BIRC6: variants seen among roughly 807,000 people sequenced by gnomAD.
BIRC6 encodes baculoviral IAP repeat containing 6, also known as dual E2 ubiquitin-conjugating enzyme/E3 ubiquitin-protein ligase BIRC6.
A neutral mutation model predicts 503.3 loss-of-function variants in BIRC6; 98 were observed. The observed-to-expected ratio is 0.19, with a 90% CI of 0.17 to 0.23. The LOEUF is 0.23. Ranked by LOEUF, BIRC6 falls within the 10% of genes least tolerant of loss-of-function variation. BIRC6 has a pLI of 1.00. For synonymous variants in BIRC6, 2,240 were observed against 2,078.7 expected, an observed-to-expected ratio of 1.08 and a Z score of -2.11; for missense variants, 5,360 against 5,806.0, an observed-to-expected ratio of 0.92 and a Z score of 2.50.
At chr2:32,459,195 C>T (rs1481518017) in intron 23 of BIRC6, among the ~76,000 whole-genome samples, 1 of 152,156 alleles carries the variant, frequency 6.6e-6, no homozygotes, top group African/African-American at 2.4e-5. Context: ...AGCGTTTTCT[C>T]CCATTCCCCC....
At chr2:32,478,152 C>A (rs1258319669) in intron 35 of BIRC6, among the ~76,000 whole-genome samples, 1 of 152,008 alleles carries the variant, frequency 6.6e-6, no homozygotes, top group Non-Finnish European at 1.5e-5. Flanking sequence ...TCATGGCCAA[C>A]ATGGTGAAAA....
At chr2:32,503,683 A>G (rs2053462242) in intron 49 of BIRC6, among the ~76,000 whole-genome samples, 1 of 151,906 alleles carries the variant, frequency 6.6e-6, no homozygotes, top group African/African-American at 2.4e-5. Context: ...CGGCCTCCCA[A>G]AGTGCTGGGA....
chr2:32,492,549 CTTAA>C (rs1161673729), intron 44 of BIRC6, among the ~76,000 whole-genome samples: 1 of 151,960 alleles, frequency 6.6e-6, no homozygotes, highest in Admixed American at 6.6e-5. Context: ...CCAATTCTGA[CTTAA>C]TTGTTTTACA....
Position 32,531,512 on chromosome 2 carries a change from T to C in BIRC6, c.12252T>C (p.Ala4084=). The C allele has an allele frequency of 6.2e-7, 1 of 1,613,510 alleles. No individual in the cohort carries two copies. The part of the protein sequence containing the change: ...FAGMGGLALI[A]ERLPMLYPEV... ...GAATGGGTGGACTGGCTCTTATTGC[T>C]GAAAGACTACCCATGCTATATCCAG... The change falls in exon 61 of 74, where the codon GCT becomes GCC. Residue 4084 remains alanine (A), a synonymous_variant. Transcript: ENST00000421745.
intron 28 of BIRC6, 107 bp downstream of exon 28, chr2:32,468,218 G>C (rs2048761786): frequency 1.7e-6 from 2 of 1,192,540 alleles, no homozygotes; most frequent in Non-Finnish European, 2.3e-6. Flanking sequence ...ACAGATAAGA[G>C]AGCAAGAGGA....
chr2:32,485,745 A>T lies in BIRC6; in HGVS notation c.7799A>T (p.Asn2600Ile). Residue 2600 changes from asparagine (N) to isoleucine (I), a missense_variant, in exon 40 of 74, where the codon AAT (asparagine) becomes ATT (isoleucine). By Grantham distance (149) the Asn-to-Ile change is moderately radical (BLOSUM62 -3). Around this residue, in one of 16 missense-constraint regions of BIRC6, gnomAD observed 2,299 missense variants for 2,267.2 expected, o/e 1.01. Coordinates refer to ENST00000421745, the MANE Select transcript of BIRC6 (RefSeq NM_016252.4). ...EADSILQALT[N>I]TSPTLSQSPT... ...GATTCCATTTTACAGGCATTAACAA[A>T]TACATCTCCTACATGTAAGTAAAAT... The T allele has an allele frequency of 6.2e-7, 1 of 1,600,752 alleles. No homozygotes were observed. Among genetic ancestry groups the T allele is most frequent in the Non-Finnish European group, 8.6e-7 (1 of 1,167,882 alleles).
chr2:32,413,120 T>C (rs1157506485), intron 9 of BIRC6, among the ~76,000 whole-genome samples: 1 of 151,518 alleles, frequency 6.6e-6, no homozygotes, highest in Non-Finnish European at 1.5e-5. Context: ...GTTATTCTAG[T>C]GCCTCAGCCT....
chr2:32,500,205 G>C, intron 46 of BIRC6, 96 bp downstream of exon 46: 1 of 1,124,796 alleles, frequency 8.9e-7, no homozygotes, highest in East Asian at 2.4e-5. Flanking sequence ...TTACTTTATA[G>C]TGTAAAACTG....
chr2:32,422,621 A>G (rs2043056366), intron 10 of BIRC6, among the ~76,000 whole-genome samples: 1 of 152,040 alleles, frequency 6.6e-6, no homozygotes, highest in Non-Finnish European at 1.5e-5. Flanking sequence ...TATAAAGAAA[A>G]CTGGTTTTAT....
At chr2:32,394,483 T>G (rs2149608177) in intron 5 of BIRC6, among the ~76,000 whole-genome samples, 1 of 152,292 alleles carries the variant, frequency 6.6e-6, no homozygotes, top group Non-Finnish European at 1.5e-5. Context: ...TTGACTACTT[T>G]GCTTTCCCTT....
At position 32,464,610 on chromosome 2, in the gene BIRC6, G is replaced by A; in HGVS notation, c.5043G>A (p.Val1681=). ...ACAACTCTGTGCCTTCCAACCCAGTGGCTGCCCCTGGATTCTTCATTCATC... is the reference window on the plus strand; with the variant it reads ...ACAACTCTGTGCCTTCCAACCCAGTAGCTGCCCCTGGATTCTTCATTCATC... ...PVHNSVPSNP[V]AAPGFFIHPS... The change falls in exon 25 of 74, where the codon GTG becomes GTA. Residue 1681 remains valine, a synonymous_variant. Coordinates refer to ENST00000421745, the MANE Select transcript of BIRC6 (RefSeq NM_016252.4). The A allele has an allele frequency of 6.2e-7, 1 of 1,613,680 alleles. No homozygotes were observed. The highest frequency in any genetic ancestry group is 8.5e-7 in the Non-Finnish European group (1 of 1,179,750).
At chr2:32,495,790 G>GTTTTTTTT (rs11464835) in intron 45 of BIRC6, among the ~76,000 whole-genome samples, 3 of 84,802 alleles carry the variant, frequency 3.5e-5, no homozygotes, top group Admixed American at 1.4e-4. Flanking sequence ...TCAGGATGAA[G>GTTTTTTTT]TTTTTTTTTT....
intron 73 of BIRC6, among the ~76,000 whole-genome samples, chr2:32,617,124 C>T (rs1418400652): frequency 6.6e-6 from 1 of 152,072 alleles, no homozygotes; most frequent in Non-Finnish European, 1.5e-5. Context: ...TGTATGTAGG[C>T]CGGGTGCATT....
chr2:32,367,062 T>G (rs932921374), intron 1 of BIRC6, among the ~76,000 whole-genome samples: 2 of 152,086 alleles, frequency 1.3e-5, no homozygotes, highest in Admixed American at 1.3e-4. Context: ...AAGATAAACT[T>G]GGGTGTAGAA....
chr2:32,535,866 C>G (rs562630336), intron 61 of BIRC6, among the ~76,000 whole-genome samples: 1 of 152,346 alleles, frequency 6.6e-6, no homozygotes, highest in Non-Finnish European at 1.5e-5. Context: ...TTCTAGATCC[C>G]TGAGGAATTG....
At chr2:32,402,093 G>A (rs1296432326) in intron 8 of BIRC6, among the ~76,000 whole-genome samples, 1 of 152,132 alleles carries the variant, frequency 6.6e-6, no homozygotes, top group Non-Finnish European at 1.5e-5. Context: ...TTAAAACAGT[G>A]TACCAGTAGT....
In BIRC6 at chr2:32,505,065, C is replaced by G. The variant is rs755793299; in HGVS notation, c.9560C>G (p.Pro3187Arg). The change falls in exon 50 of 74, where the codon CCT (proline) becomes CGT (arginine). Residue 3187 changes from proline to arginine, a missense_variant. Coordinates refer to ENST00000421745, the MANE Select transcript of BIRC6 (RefSeq NM_016252.4). ...GCTGAAGTGCTATTGCAGGCCACAC[C>G]TCCTCACAGAAGAGCTCGCTCTGCT... Reference protein sequence around the residue: ...QPAEVLLQATPPHRRARSAAW... With the variant: ...QPAEVLLQATRPHRRARSAAW... 6.2e-7 allele frequency: 1 copy of G among 1,613,762 alleles called. No homozygotes were observed.
intron 1 of BIRC6, among the ~76,000 whole-genome samples, chr2:32,364,077 C>T (rs1327498783): frequency 6.6e-6 from 1 of 152,058 alleles, no homozygotes; most frequent in African/African-American, 2.4e-5. Context: ...TGTGTGTATA[C>T]AGATTTGTTT....
chr2:32,519,181 T>C, intron 57 of BIRC6: 1 of 384,458 alleles, frequency 2.6e-6, no homozygotes, highest in Non-Finnish European at 4.8e-6. Context: ...AATGGGCAGC[T>C]AGAAATACAG....
Sources: allele counts gnomAD v4.1 joint callset (sites outside exome capture counted in the v4.1 genomes callset), GRCh38; gene constraint gnomAD v4.1.1; regional missense constraint gnomAD v4.1.1; transcripts MANE v1.5; gene names NCBI Gene and HGNC (gene_info 2026-07-23, HGNC 2026-07-21).